The following NFATC2 variants were observed in gnomAD, a reference collection of about 807,000 sequenced individuals.
NFATC2 encodes the protein nuclear factor of activated T cells 2.
In NFATC2, 22 loss-of-function variants were observed where a neutral mutation model predicts 87.3. The observed-to-expected ratio is 0.25, with a 90% CI of 0.18 to 0.36. NFATC2 has a LOEUF of 0.36. NFATC2 is among the 10% of genes least tolerant of loss of function. The pLI is 1.00. For synonymous variants in NFATC2, 565 were observed against 542.2 expected (o/e 1.04, Z -0.58); for missense variants, 1,149 against 1,259.1 (o/e 0.91, Z 1.32).
chr20:51,495,635 C>CATGG (rs1372541429), intron 3 of NFATC2, among the ~76,000 whole-genome samples: 13 of 152,240 alleles, frequency 8.5e-5, no homozygotes, highest in African/African-American at 3.1e-4. Flanking sequence ...TTTTAGCAAG[C>CATGG]ATGGAGTTTG....
Position 51,461,750 on chromosome 20 carries a change from C to T in NFATC2, c.1709-7062G>A, listed in dbSNP as rs535548105. Among the ~76,000 whole-genome samples, 81 of 152,352 alleles carry T rather than the reference C, an allele frequency of 5.3e-4. 3 individuals carry two copies. In the South Asian group the frequency reaches 0.013, roughly 25 times the overall value. ...CGTCAAGCCGGGTGGCCAAGAATTA[C>T]GATCTATCCAAGAACCTCAGGAGAG... On this transcript the variant is annotated intron_variant, in intron 5 of 10. Coordinates refer to ENST00000371564, the MANE Select transcript of NFATC2 (RefSeq NM_012340.5).
At chr20:51,421,734 G>A (rs1396007227) in intron 9 of NFATC2, among the ~76,000 whole-genome samples, 1 of 152,106 alleles carries the variant, frequency 6.6e-6, no homozygotes, top group Non-Finnish European at 1.5e-5. Flanking sequence ...GCAATCCCCG[G>A]TTTTTCAACA....
chr20:51,438,444 A>AG (rs1053724904), intron 6 of NFATC2, among the ~76,000 whole-genome samples: 2 of 2,614 alleles, frequency 7.7e-4, no homozygotes, highest in South Asian at 0.021. Flanking sequence ...GCTTGCTTTG[A>AG]AAAAAAAAAA....
At chr20:51,418,612 A>C (rs1980378331) in intron 9 of NFATC2, among the ~76,000 whole-genome samples, 1 of 151,620 alleles carries the variant, frequency 6.6e-6, no homozygotes, top group African/African-American at 2.4e-5. Flanking sequence ...TGGACATTTA[A>C]GGCCTCACCC....
At chr20:51,496,753 C>T (rs895294766) in intron 3 of NFATC2, among the ~76,000 whole-genome samples, 3 of 152,114 alleles carry the variant, frequency 2.0e-5, no homozygotes, top group Admixed American at 6.5e-5. Flanking sequence ...CCAGGTCATC[C>T]GGCTCCATCT....
At chr20:51,409,682 A>AC (rs1366425247) in intron 9 of NFATC2, among the ~76,000 whole-genome samples, 1 of 152,342 alleles carries the variant, frequency 6.6e-6, no homozygotes, top group East Asian at 1.9e-4. Flanking sequence ...GATCTGACTG[A>AC]CAACTTACAG....
At chr20:51,467,929 G>A (rs993798366) in intron 5 of NFATC2, among the ~76,000 whole-genome samples, 1 of 152,138 alleles carries the variant, frequency 6.6e-6, no homozygotes, top group African/African-American at 2.4e-5. Context: ...TCTATCAATG[G>A]TAAATAAACA....
rs114410976 is a variant in NFATC2 at position 51,470,612 on chromosome 20, C to G, written c.1708+3368G>C. ...GTACTAGCCCACGAAGTGTTTTTCT[C>G]ACCAACTCACTCTCCCTGTCATTGG... is the stretch of plus-strand genomic sequence containing the variant. On this transcript the variant is annotated intron_variant, in intron 5 of 10. Transcript: ENST00000371564. Among the ~76,000 whole-genome samples, 422 of 152,318 alleles carry G rather than the reference C, an allele frequency of 2.8e-3. 1 individual carries two copies. The highest frequency in any genetic ancestry group is 9.5e-3 in the African/African-American group (397 of 41,574).
At chr20:51,551,094 T>C (rs1283386356) in intron 1 of NFATC2, among the ~76,000 whole-genome samples, 1 of 152,240 alleles carries the variant, frequency 6.6e-6, no homozygotes, top group Non-Finnish European at 1.5e-5. Context: ...AAGCATTCCC[T>C]GGGACTCATG....
At chr20:51,506,748 CG>C (rs11086342) in intron 3 of NFATC2, among the ~76,000 whole-genome samples, 126,003 of 152,070 alleles carry the variant, frequency 0.83, 52,612 homozygotes, top group African/African-American at 0.92. Context: ...CGAGATGGCT[CG>C]GGGGCCTGCG....
intron 1 of NFATC2, among the ~76,000 whole-genome samples, chr20:51,541,031 C>G (rs1336403540): frequency 6.6e-6 from 1 of 152,132 alleles, no homozygotes; most frequent in Admixed American, 6.5e-5. Context: ...TTGTTTCCAT[C>G]TCCAGCCAAG....
intron 9 of NFATC2, among the ~76,000 whole-genome samples, chr20:51,408,669 C>T (rs1978746392): frequency 6.6e-6 from 1 of 152,144 alleles, no homozygotes; most frequent in South Asian, 2.1e-4. Flanking sequence ...TTCCCTCATA[C>T]TGGACATAAA....
chr20:51,537,554 C>T (rs1391005515), intron 1 of NFATC2, among the ~76,000 whole-genome samples: 2 of 152,206 alleles, frequency 1.3e-5, no homozygotes, highest in East Asian at 3.8e-4. Context: ...TGTGAGCACT[C>T]CCCACATATC....
intron 9 of NFATC2, among the ~76,000 whole-genome samples, chr20:51,411,500 G>GA (rs532524101): frequency 9.2e-5 from 13 of 141,460 alleles, no homozygotes; most frequent in African/African-American, 3.3e-4. Flanking sequence ...GCAAGGTCCT[G>GA]AAGCAATGCA....
At position 51,389,059 on chromosome 20, in the gene NFATC2, T is replaced by C. The variant is rs1986060660; in HGVS notation, c.*2437A>G. Reference sequence around the variant, plus strand: ...TCAAATCTAATGCTTTTGTTTCTCTTTCCTTTGCGATTTGTTACAGTTGTT... The same window carrying C: ...TCAAATCTAATGCTTTTGTTTCTCTCTCCTTTGCGATTTGTTACAGTTGTT... On this transcript the variant is annotated 3_prime_UTR_variant, in exon 11 of 11. Coordinates refer to ENST00000371564, the MANE Select transcript of NFATC2 (RefSeq NM_012340.5). 1 of 152,198 alleles carries C rather than the reference T, an allele frequency of 6.6e-6. No homozygotes were observed. The highest frequency in any genetic ancestry group is 1.9e-4 in the East Asian group (1 of 5,204). 9.4% of individuals were successfully genotyped at this position (152,198 alleles called of 1,614,324 possible).
At position 51,454,601 on chromosome 20, in the gene NFATC2, G is replaced by A. The variant is rs141528841; in HGVS notation, c.1796C>T (p.Thr599Met). The A allele has an allele frequency of 8.4e-5, 136 of 1,614,016 alleles. No homozygotes were observed. The highest frequency in any genetic ancestry group is 1.6e-4 in the Middle Eastern group (1 of 6,084). ...LVYGGQQMILTGQNFTSESKV... is the reference protein window; with the variant it reads ...LVYGGQQMILMGQNFTSESKV... ...GGACTCGGATGTAAAGTTCTGCCCC[G>A]TGAGGATCATTTGCTGGCCGCCATA... is the stretch of plus-strand genomic sequence containing the variant. Residue 599 changes from threonine to methionine, a missense_variant, in exon 6 of 11, where the codon ACG (threonine) becomes ATG (methionine). By Grantham distance (81) the Thr-to-Met change is moderately conservative. This residue lies in a region of NFATC2 where 581 missense variants were observed against 649.7 expected (regional missense o/e 0.89). Coordinates refer to ENST00000371564, the MANE Select transcript of NFATC2 (RefSeq NM_012340.5).
chr20:51,396,034 GTATGTATATATATA>G (rs1388363273), intron 10 of NFATC2, among the ~76,000 whole-genome samples: 40 of 126,504 alleles, frequency 3.2e-4, no homozygotes, highest in African/African-American at 1.0e-3. Flanking sequence ...TCAGCTCCTA[GTATGTATATATATA>G]TATATATATA....
upstream of NFATC2, chr20:51,562,742 G>T: frequency 9.3e-7 from 1 of 1,076,282 alleles, no homozygotes; most frequent in Non-Finnish European, 1.3e-6. This position sits in a 1 kb window ranked among gnomAD's most constrained non-coding sequence, Gnocchi z 5.8. Flanking sequence ...TGCCCTGGCC[G>T]AGGAGCCTCG....
chr20:51,462,090 C>T (rs544873042), intron 5 of NFATC2, among the ~76,000 whole-genome samples: 10 of 151,322 alleles, frequency 6.6e-5, no homozygotes, highest in Non-Finnish European at 1.5e-4. Context: ...TGCCCTCAAG[C>T]CTGGGTGACA....
Sources: allele counts gnomAD v4.1 joint callset (sites outside exome capture counted in the v4.1 genomes callset), GRCh38; gene constraint gnomAD v4.1.1; regional missense constraint gnomAD v4.1.1; non-coding constraint Gnocchi (gnomAD v3.1); transcripts MANE v1.5; gene names NCBI Gene and HGNC (gene_info 2026-07-23, HGNC 2026-07-21).